SGCZ: variants seen among roughly 807,000 people sequenced by gnomAD.
SGCZ encodes sarcoglycan zeta, also known as zeta-sarcoglycan.
A neutral mutation model predicts 41.3 loss-of-function variants in SGCZ; 40 were observed. That is an observed-to-expected ratio of 0.97 (90% CI 0.75 to 1.26). The LOEUF is 1.26. Ranked by LOEUF, SGCZ falls within the 50% of genes most tolerant of loss-of-function variation. SGCZ has a pLI of 0.00. For missense variants in SGCZ, 552 were observed against 369.8 expected, an observed-to-expected ratio of 1.49 and a Z score of -4.04; for synonymous variants, 206 against 137.5, an observed-to-expected ratio of 1.50 and a Z score of -3.49.
chr8:14,635,190 G>A (rs1052598249), intron 1 of SGCZ, among the ~76,000 whole-genome samples: 9 of 151,568 alleles, frequency 5.9e-5, no homozygotes, highest in African/African-American at 1.5e-4. Flanking sequence ...ATAGATATTC[G>A]TCATAAACCA....
chr8:14,477,931 C>T (rs1430206671), intron 2 of SGCZ, among the ~76,000 whole-genome samples: 5 of 152,156 alleles, frequency 3.3e-5, no homozygotes, highest in African/African-American at 1.2e-4. Flanking sequence ...CTTTAAGGAA[C>T]TCACTAAAGA....
chr8:14,243,828 G>A (rs982329443), intron 3 of SGCZ, among the ~76,000 whole-genome samples: 1 of 152,082 alleles, frequency 6.6e-6, no homozygotes, highest in Non-Finnish European at 1.5e-5. Context: ...CAGTTCCTCA[G>A]TCAGTGTTGA....
intron 3 of SGCZ, among the ~76,000 whole-genome samples, chr8:14,276,405 G>A (rs1800234711): frequency 1.3e-5 from 2 of 152,106 alleles, no homozygotes; most frequent in South Asian, 2.1e-4. Flanking sequence ...GGGTTTCATT[G>A]CATGACTGAA....
chr8:14,255,888 T>G (rs1328228024), intron 3 of SGCZ, among the ~76,000 whole-genome samples: 1 of 152,110 alleles, frequency 6.6e-6, no homozygotes, highest in Non-Finnish European at 1.5e-5. Context: ...TCATTATATT[T>G]GACAATAGCC....
chr8:14,443,215 T>C (rs986483741), intron 2 of SGCZ, among the ~76,000 whole-genome samples: 17 of 152,044 alleles, frequency 1.1e-4, no homozygotes, highest in African/African-American at 1.9e-4. Context: ...GAATCAATAT[T>C]GTGAAAATGG....
chr8:14,820,376 C>T (rs1467470052), intron 1 of SGCZ, among the ~76,000 whole-genome samples: 2 of 151,966 alleles, frequency 1.3e-5, no homozygotes, highest in Non-Finnish European at 2.9e-5. Context: ...AATATTATTA[C>T]ATCTAAAGGA....
intron 1 of SGCZ, among the ~76,000 whole-genome samples, chr8:15,225,959 T>C (rs1421393255): frequency 6.6e-6 from 1 of 151,988 alleles, no homozygotes; most frequent in Non-Finnish European, 1.5e-5. Context: ...TACATTGCCT[T>C]ACTCTTACTA....
chr8:14,806,911 G>A (rs1801552237), intron 1 of SGCZ, among the ~76,000 whole-genome samples: 1 of 151,094 alleles, frequency 6.6e-6, no homozygotes, highest in Non-Finnish European at 1.5e-5. Context: ...TCCCTGGGAT[G>A]CAAGGCTGGT....
intron 2 of SGCZ, among the ~76,000 whole-genome samples, chr8:14,407,454 C>T (rs1799242968): frequency 6.6e-6 from 1 of 152,070 alleles, no homozygotes; most frequent in Non-Finnish European, 1.5e-5. Context: ...GTGGTGGATT[C>T]AGGATCAGGA....
intron 2 of SGCZ, among the ~76,000 whole-genome samples, chr8:14,456,963 G>A (rs898839683): frequency 6.6e-6 from 1 of 152,150 alleles, no homozygotes; most frequent in East Asian, 1.9e-4. Flanking sequence ...TGCCATGATT[G>A]TAAGCCTTGT....
intron 1 of SGCZ, among the ~76,000 whole-genome samples, chr8:14,783,257 A>T (rs1392689588): frequency 1.3e-5 from 2 of 152,164 alleles, no homozygotes; most frequent in Admixed American, 6.5e-5. Flanking sequence ...AACATGGCGA[A>T]AGCCAGTATC....
intron 4 of SGCZ, among the ~76,000 whole-genome samples, chr8:14,174,841 A>T (rs936195972): frequency 2.6e-5 from 4 of 152,116 alleles, no homozygotes; most frequent in African/African-American, 9.7e-5. Context: ...AAATGCTTCC[A>T]TCTTAAAGGC....
At chr8:14,656,225 TAA>T (rs897117060) in intron 1 of SGCZ, among the ~76,000 whole-genome samples, 3 of 134,708 alleles carry the variant, frequency 2.2e-5, no homozygotes, top group Non-Finnish European at 5.0e-5. Flanking sequence ...TATCCAGAGA[TAA>T]AGTGTTTCCA....
At chr8:14,474,171 A>G (rs1421244996) in intron 2 of SGCZ, among the ~76,000 whole-genome samples, 1 of 152,166 alleles carries the variant, frequency 6.6e-6, no homozygotes, top group Non-Finnish European at 1.5e-5. Flanking sequence ...TTCTCTAAAT[A>G]AACAAACCAT....
At chr8:14,289,216 G>C in intron 3 of SGCZ, among the ~76,000 whole-genome samples, 1 of 69,792 alleles carries the variant, frequency 1.4e-5, no homozygotes, top group Non-Finnish European at 4.1e-5. Context: ...TCACATAGTA[G>C]GATTTTTTTT....
intron 1 of SGCZ, among the ~76,000 whole-genome samples, chr8:15,034,200 C>A (rs1041278916): frequency 1.3e-5 from 2 of 151,760 alleles, no homozygotes; most frequent in Admixed American, 6.6e-5. Flanking sequence ...CAAGAAAATA[C>A]AAAGAAACAA....
chr8:15,058,651 A>C (rs1471817969), intron 1 of SGCZ, among the ~76,000 whole-genome samples: 2 of 152,176 alleles, frequency 1.3e-5, no homozygotes, highest in Admixed American at 6.5e-5. Context: ...TCTTCTTCCC[A>C]GATGTTTCTT....
chr8:14,638,993 T>C (rs1171526224), intron 1 of SGCZ, among the ~76,000 whole-genome samples: 1 of 150,950 alleles, frequency 6.6e-6, no homozygotes, highest in East Asian at 2.0e-4. Context: ...CATACTAGAA[T>C]ACGGGAGATG....
At position 15,052,896 on chromosome 8, in the gene SGCZ, G is replaced by C. The variant is rs1804565930; in HGVS notation, c.39+184689C>G. Among the ~76,000 whole-genome samples the C allele has an allele frequency of 1.3e-5, 2 of 152,084 alleles. 1 individual carries two copies. Among genetic ancestry groups the C allele is most frequent in the South Asian group, 4.2e-4 (2 of 4,804 alleles). On this transcript the variant is annotated intron_variant, in intron 1 of 7. Coordinates refer to ENST00000382080, the MANE Select transcript of SGCZ (RefSeq NM_139167.4). ...ACATTGACCTAATATATTTATTCTT[G>C]ATCTTAAATTACCTACTTGACACTC...
Sources: gnomAD v4.1 joint callset for allele counts (sites outside exome capture counted in the v4.1 genomes callset) on GRCh38, gnomAD v4.1.1 for gene constraint, MANE v1.5 for transcripts, NCBI Gene and HGNC (gene_info 2026-07-23, HGNC 2026-07-21) for gene names.